Variants in PCNT observed in about 807,000 individuals in gnomAD.
PCNT encodes pericentrin.
A neutral mutation model predicts 380.4 loss-of-function variants in PCNT; 319 were observed. That is an observed-to-expected ratio of 0.84 (90% CI 0.77 to 0.92). The LOEUF is 0.92. Ranked by LOEUF, PCNT falls within the 40% of genes least tolerant of loss-of-function variation. The pLI, the probability that PCNT is intolerant of heterozygous loss-of-function variation, is 0.00. For synonymous variants in PCNT, 1,845 were observed against 1,735.2 expected (o/e 1.06, Z -1.57); for missense variants, 4,400 against 4,255.3 (o/e 1.03, Z -0.95).
At position 46,398,146 on chromosome 21, in the gene PCNT, G is replaced by T. The variant is rs780110155; in HGVS notation, c.4563+16G>T. The T allele has an allele frequency of 5.6e-6, 9 of 1,603,786 alleles. No individual in the cohort carries two copies. The highest frequency in any genetic ancestry group is 7.7e-6 in the Non-Finnish European group (9 of 1,174,234). The stretch of plus-strand genomic sequence containing the variant: ...CGACAGCCAGGTGAGTCAGTGCAGC[G>T]TGCAGTGCTGCTGGTTGCTGTCTTT... On this transcript the variant is annotated intron_variant, in intron 23 of 46. Transcript: ENST00000359568.
intron 13 of PCNT, among the ~76,000 whole-genome samples, chr21:46,360,213 ATTTTTTTTTTT>A (rs71318070): frequency 9.7e-5 from 8 of 82,476 alleles, no homozygotes; most frequent in African/African-American, 4.1e-4. Flanking sequence ...ATAGTTGGCA[ATTTTTTTTTTT>A]TTTTTTTTTT....
chr21:46,349,941 T>G, intron 8 of PCNT, 121 bp downstream of exon 8: 2 of 999,318 alleles, frequency 2.0e-6, no homozygotes, highest in Admixed American at 1.9e-5. Flanking sequence ...TTAAAGAGAC[T>G]GGCTGGGAAC....
rs752348565 is a variant in PCNT, at chr21:46,334,583, C to T, written c.454C>T (p.Pro152Ser). 1 of 1,573,452 alleles carries T rather than the reference C, an allele frequency of 6.4e-7. No homozygotes were observed. The change falls in exon 3 of 47, where the codon CCA (proline) becomes TCA (serine). Residue 152 changes from proline to serine, a missense_variant. By Grantham distance (74) the Pro-to-Ser change is moderately conservative. Coordinates refer to ENST00000359568, the MANE Select transcript of PCNT (RefSeq NM_006031.6). ...TGGGATGTTCACAGTCAGTGACCAC[C>T]CACCAGAACAGCATGGGATGTTCAC... ...QRGMFTVSDH[P>S]PEQHGMFTVS...
intron 2 of PCNT, among the ~76,000 whole-genome samples, chr21:46,333,152 G>T (rs1569160692): frequency 6.6e-6 from 1 of 152,008 alleles, no homozygotes; most frequent in African/African-American, 2.4e-5. Flanking sequence ...TAGAATTCAT[G>T]GCCGGGCGCA....
intron 28 of PCNT, among the ~76,000 whole-genome samples, chr21:46,412,356 C>T (rs766908176): frequency 1.3e-5 from 2 of 152,208 alleles, no homozygotes; most frequent in Admixed American, 6.5e-5. Flanking sequence ...TCCAGTGAAA[C>T]GGAGCTCACT....
intron 27 of PCNT, 66 bp downstream of exon 27, chr21:46,402,549 C>T: frequency 1.3e-6 from 2 of 1,545,170 alleles, no homozygotes; most frequent in Non-Finnish European, 1.8e-6. Context: ...GAGCGGCCAC[C>T]AAGACCCTCA....
chr21:46,335,550 G>A (rs1197802357), intron 3 of PCNT, among the ~76,000 whole-genome samples: 2 of 151,590 alleles, frequency 1.3e-5, no homozygotes, highest in African/African-American at 4.8e-5. Flanking sequence ...AAATTAGCTG[G>A]GTGCCACTGC....
intron 21 of PCNT, among the ~76,000 whole-genome samples, chr21:46,392,654 A>G (rs574556338): frequency 7.2e-5 from 11 of 152,266 alleles, no homozygotes; most frequent in African/African-American, 2.4e-4. Context: ...GCTCGTGTTG[A>G]CATCTGGGTC....
chr21:46,364,075 C>G (rs1446384699), intron 14 of PCNT, 141 bp downstream of exon 14: 6 of 749,940 alleles, frequency 8.0e-6, no homozygotes, highest in Non-Finnish European at 1.3e-5. Flanking sequence ...AGGTGTGGCG[C>G]TCTAGGTTTT....
intron 5 of PCNT, 42 bp downstream of exon 5, chr21:46,347,040 G>T (rs1345130180): frequency 6.4e-7 from 1 of 1,574,676 alleles, no homozygotes; most frequent in South Asian, 1.2e-5. Context: ...TGTGGGCTCG[G>T]TGTGGGCATT....
Position 46,363,728 on chromosome 21 carries a change from C to CCAA in PCNT, c.2406_2408dup (p.Gln803dup). 6.2e-7 allele frequency: 1 copy of CCAA among 1,614,238 alleles called. No individual in the cohort carries two copies. Among genetic ancestry groups the CCAA allele is most frequent in the Non-Finnish European group, 8.5e-7 (1 of 1,180,042 alleles). On this transcript the variant is annotated inframe_insertion, in exon 14 of 47. Transcript: ENST00000359568. ...AAGCTGAAATGAGGCAGCTTCAGGA[C>CCAA]CAACAGGCAGCCCAGATCCTGGATC...
intron 1 of PCNT, chr21:46,325,081 C>T (rs1320706075): frequency 2.0e-6 from 2 of 985,396 alleles, no homozygotes; most frequent in East Asian, 1.1e-4. Flanking sequence ...CGTGAAAAAG[C>T]GCTCGGTTTG....
At chr21:46,356,870 G>C in intron 12 of PCNT, 104 bp from the exon 13 acceptor site, 1 of 912,300 alleles carries the variant, frequency 1.1e-6, no homozygotes, top group Non-Finnish European at 1.8e-6. Context: ...CACAGTGTCT[G>C]CTGTCAGAAG....
At chr21:46,439,382 G>A (rs2148073868) in intron 41 of PCNT, among the ~76,000 whole-genome samples, 1 of 152,228 alleles carries the variant, frequency 6.6e-6, no homozygotes, top group East Asian at 1.9e-4. Flanking sequence ...CATCTCCCAG[G>A]CTGGAGTGCA....
rs747799908 is a variant in PCNT at position 46,411,320 on chromosome 21, G to C, written c.5247G>C (p.Leu1749=). 3.7e-6 allele frequency: 6 copies of C among 1,614,200 alleles called. No individual in the cohort carries two copies. The East Asian group carries it at 6.7e-5, about 18-fold the overall frequency. ...IEQLHEVIEK[L]QHELSLMGPV... is the part of the protein sequence containing the mutation. ...AACTCCATGAAGTCATTGAGAAGCT[G>C]CAGCACGAGCTGTCCCTCATGGGGC... The change falls in exon 28 of 47, where the codon CTG becomes CTC. Residue 1749 remains leucine, a synonymous_variant. Transcript: ENST00000359568.
At chr21:46,433,194 C>T (rs2087839923) in intron 38 of PCNT, among the ~76,000 whole-genome samples, 1 of 152,058 alleles carries the variant, frequency 6.6e-6, no homozygotes, top group Non-Finnish European at 1.5e-5. Flanking sequence ...CCAGCCTGGC[C>T]AACAAGGCGA....
intron 3 of PCNT, among the ~76,000 whole-genome samples, chr21:46,341,399 T>G (rs2083907272): frequency 6.6e-6 from 1 of 152,108 alleles, no homozygotes; most frequent in African/African-American, 2.4e-5. Flanking sequence ...TTATGGCTCG[T>G]GGGAGTCCCT....
intron 33 of PCNT, 100 bp downstream of exon 33, chr21:46,426,071 T>TTC: frequency 6.8e-6 from 4 of 589,604 alleles, no homozygotes; most frequent in Non-Finnish European, 8.9e-6. Context: ...ATTTCTTTCT[T>TTC]TTTTTTTTTT....
chr21:46,399,345 G>GCTCTAGGTCTCTCTCTGCAGCCTGTGA (rs1601961079), intron 24 of PCNT, among the ~76,000 whole-genome samples: 3 of 139,348 alleles, frequency 2.2e-5, no homozygotes, highest in Non-Finnish European at 3.1e-5. Context: ...GCAGCCTGTG[G>GCTCTAGGTCTCTCTCTGCAGCCTGTGA]GTCTAGGTCT....
Sources: gnomAD v4.1 joint callset for allele counts (sites outside exome capture counted in the v4.1 genomes callset) on GRCh38, gnomAD v4.1.1 for gene constraint, MANE v1.5 for transcripts, NCBI Gene and HGNC (gene_info 2026-07-23, HGNC 2026-07-21) for gene names.